The following PTPRH variants were observed in gnomAD, a reference collection of about 807,000 sequenced individuals.
PTPRH encodes the protein receptor-type tyrosine-protein phosphatase H.
In PTPRH, 113 loss-of-function variants were observed where a neutral mutation model predicts 130.2. The observed-to-expected ratio is 0.87, with a 90% CI of 0.75 to 1.01. PTPRH has a LOEUF of 1.01. Among genes scored for constraint, PTPRH ranks in the 50% least tolerant of loss-of-function variants. The pLI, the probability that PTPRH is intolerant of heterozygous loss-of-function variation, is 0.00. For missense variants in PTPRH, 1,430 were observed against 1,425.0 expected (o/e 1.00, Z -0.06); for synonymous variants, 556 against 577.9 (o/e 0.96, Z 0.54).
chr19:55,185,436 AAC>A, intron 18 of PTPRH, 64 bp downstream of exon 18: 1 of 1,569,684 alleles, frequency 6.4e-7, no homozygotes, highest in African/African-American at 1.4e-5. Context: ...GGTCCCGTCT[AAC>A]ACAACTGTCT....
chr19:55,189,043 T>A (rs1476563491), intron 12 of PTPRH, among the ~76,000 whole-genome samples: 1 of 152,178 alleles, frequency 6.6e-6, no homozygotes, highest in African/African-American at 2.4e-5. Flanking sequence ...TGGAGTGCAG[T>A]GGTGTGATCT....
chr19:55,182,255 C>A, intron 18 of PTPRH, 104 bp from the exon 19 acceptor site: 2 of 1,300,088 alleles, frequency 1.5e-6, no homozygotes, highest in Non-Finnish European at 2.1e-6. Flanking sequence ...AATAACTATG[C>A]CTGCTCACAC....
At chr19:55,193,645 C>T (rs2058814953) in intron 10 of PTPRH, among the ~76,000 whole-genome samples, 1 of 152,034 alleles carries the variant, frequency 6.6e-6, no homozygotes, top group South Asian at 2.1e-4. Flanking sequence ...GCAGGACGGC[C>T]CCCCCACAAC....
At chr19:55,199,175 C>T (rs1451599635) in intron 7 of PTPRH, among the ~76,000 whole-genome samples, 1 of 152,192 alleles carries the variant, frequency 6.6e-6, no homozygotes, top group Non-Finnish European at 1.5e-5. Flanking sequence ...GGCATAGTAG[C>T]ACATGCCTGT....
intron 15 of PTPRH, 26 bp downstream of exon 15, chr19:55,186,438 C>G: frequency 6.2e-7 from 1 of 1,613,962 alleles, no homozygotes; most frequent in Non-Finnish European, 8.5e-7. Context: ...TGCTGGGCAC[C>G]CTTTCAATCC....
At position 55,191,503 on chromosome 19, in the gene PTPRH, A is replaced by G. The variant is rs186840760; in HGVS notation, c.2382T>C (p.Phe794=). 2.8e-5 allele frequency: 45 copies of G among 1,614,038 alleles called. No individual in the cohort carries two copies. The East Asian group carries it at 8.0e-4, about 29-fold the overall frequency. ...CACCCCCCAGACCTTCTGCTCACCT[A>G]AAGACCAGATCCCTGAGTTCTGGTT... ...QQKPELRDLV[F]SSPGDIPAED... The change falls in exon 12 of 20, where the codon TTT becomes TTC. Residue 794 remains phenylalanine (F), a splice_region_variant and synonymous_variant. Transcript: ENST00000376350.
intron 14 of PTPRH, among the ~76,000 whole-genome samples, chr19:55,187,205 C>CAT (rs1568894383): frequency 8.7e-5 from 13 of 149,586 alleles, no homozygotes; most frequent in Middle Eastern, 3.2e-3. Context: ...ATTAGCCGGG[C>CAT]GAGGTGGCGG....
chr19:55,181,983 C>T (rs776196703), intron 19 of PTPRH, 33 bp downstream of exon 19: 5 of 1,613,914 alleles, frequency 3.1e-6, no homozygotes, highest in Non-Finnish European at 2.5e-6. Context: ...GTCCCACTGC[C>T]TCCCGTCCTG....
intron 14 of PTPRH, 44 bp downstream of exon 14, chr19:55,187,469 C>A (rs186568572): frequency 6.6e-7 from 1 of 1,526,594 alleles, no homozygotes; most frequent in Non-Finnish European, 9.0e-7. Context: ...GGGGTGCCGA[C>A]TAGATCAGGG....
chr19:55,181,904 C>G lies in PTPRH; in HGVS notation c.3199-1G>C. On this transcript the variant is annotated splice_acceptor_variant, in intron 19 of 19. Transcript: ENST00000376350. LOFTEE classifies it high-confidence loss of function. ...ACTGATGCAGGAATACGTACTGAGC[C>G]TGGGAAGCAGGCACGGGAGTGAGAG... is the stretch of plus-strand genomic sequence containing the variant. 1 of 1,614,198 alleles carries G rather than the reference C, an allele frequency of 6.2e-7. No homozygotes were observed. Among genetic ancestry groups the G allele is most frequent in the Non-Finnish European group, 8.5e-7 (1 of 1,180,020 alleles).
chr19:55,186,168 T>G (rs2086318275), intron 16 of PTPRH, 57 bp downstream of exon 16: 1 of 1,579,088 alleles, frequency 6.3e-7, no homozygotes, highest in Admixed American at 1.7e-5. Flanking sequence ...CTACATTGGA[T>G]GAGTGTTCGG....
At chr19:55,207,370 G>A (rs368645325) in intron 1 of PTPRH, 171 bp from the exon 2 acceptor site, 2 of 666,110 alleles carry the variant, frequency 3.0e-6, no homozygotes, top group South Asian at 2.0e-5. Context: ...TTCCTGGGTC[G>A]AGGAGAGAAG....
chr19:55,203,777 C>G lies in PTPRH; in HGVS notation c.886+5G>C. The G allele has an allele frequency of 6.3e-7, 1 of 1,599,594 alleles. No homozygotes were observed. Among genetic ancestry groups the G allele is most frequent in the South Asian group, 1.1e-5 (1 of 90,614 alleles). ...AATAAAAATAAAACAGCGGCTGCCT[C>G]TTACCTGTGGCACTAGTGACAATCT... On this transcript the variant is annotated splice_donor_5th_base_variant and intron_variant, in intron 5 of 19. Transcript: ENST00000376350.
At chr19:55,185,408 TC>T (rs2147376331) in intron 18 of PTPRH, 93 bp downstream of exon 18, 8 of 1,370,918 alleles carry the variant, frequency 5.8e-6, no homozygotes, top group Non-Finnish European at 7.0e-6. Context: ...CCTCTTCACC[TC>T]CCCTGTACGT....
At chr19:55,186,767 G>C (rs141361760) in intron 14 of PTPRH, among the ~76,000 whole-genome samples, 2 of 152,186 alleles carry the variant, frequency 1.3e-5, no homozygotes, top group Non-Finnish European at 2.9e-5. Flanking sequence ...ACCCACAGCC[G>C]GGTGCAGTGA....
chr19:55,200,668 C>T (rs575857443), intron 6 of PTPRH, among the ~76,000 whole-genome samples, 166 bp from the exon 7 acceptor site: 81 of 152,262 alleles, frequency 5.3e-4, no homozygotes, highest in Non-Finnish European at 1.1e-3. Context: ...ATGTGCCGGG[C>T]GTGGTGGCTC....
rs548868398 is a variant in PTPRH, at chr19:55,203,192, C to T, written c.886+590G>A. ...AATACAAAAAATTAGCCAGGTGTGGCGGTGTGCGCCTGTAGTCCCAGCTAC... is the reference window on the plus strand; with the variant it reads ...AATACAAAAAATTAGCCAGGTGTGGTGGTGTGCGCCTGTAGTCCCAGCTAC... On this transcript the variant is annotated intron_variant, in intron 5 of 19. Coordinates refer to ENST00000376350, the MANE Select transcript of PTPRH (RefSeq NM_002842.5). 6.7e-4 allele frequency among the ~76,000 whole-genome samples: 98 copies of T among 146,784 alleles called. 1 individual carries two copies. In the Middle Eastern group the frequency reaches 0.016, roughly 25 times the overall value.
chr19:55,188,020 G>A, intron 13 of PTPRH, 58 bp downstream of exon 13: 2 of 1,077,908 alleles, frequency 1.9e-6, no homozygotes, highest in South Asian at 2.5e-5. Context: ...GGGGGTGGGG[G>A]GTGGGGGTCT....
intron 2 of PTPRH, 34 bp from the exon 3 acceptor site, chr19:55,206,989 G>C: frequency 1.9e-6 from 3 of 1,568,168 alleles, no homozygotes. Flanking sequence ...GACAAAAAGG[G>C]AACCAGGTCA....
Sources: allele counts gnomAD v4.1 joint callset (sites outside exome capture counted in the v4.1 genomes callset), GRCh38; gene constraint gnomAD v4.1.1; transcripts MANE v1.5; gene names NCBI Gene and HGNC (gene_info 2026-07-23, HGNC 2026-07-21).